The following CACNA2D1 variants were observed in gnomAD, a reference collection of about 807,000 sequenced individuals.
CACNA2D1 encodes the protein calcium voltage-gated channel auxiliary subunit alpha2delta 1, also known as voltage-dependent calcium channel subunit alpha-2/delta-1.
Under a neutral mutation model 171.5 loss-of-function variants are expected in CACNA2D1, and 53 were observed. The ratio of observed to expected loss-of-function variants is 0.31; its 90% CI spans 0.25 to 0.39. CACNA2D1 has a LOEUF of 0.39. Ranked by LOEUF, CACNA2D1 falls within the 10% of genes least tolerant of loss-of-function variation. The probability of loss-of-function intolerance (pLI) is 1.00; values close to 1 mark genes in which losing one functional copy is unlikely to be tolerated. For missense variants in CACNA2D1, 903 were observed against 1,299.8 expected (o/e 0.69, Z 4.69); for synonymous variants, 442 against 443.1 (o/e 1.00, Z 0.03).
intron 2 of CACNA2D1, among the ~76,000 whole-genome samples, chr7:82,335,866 T>C (rs532306817): frequency 2.0e-5 from 3 of 152,322 alleles, no homozygotes; most frequent in African/African-American, 7.2e-5. Flanking sequence ...AATTAAAGTA[T>C]ACTGAATTTA....
At chr7:82,285,779 T>C (rs1446446838) in intron 3 of CACNA2D1, among the ~76,000 whole-genome samples, 2 of 152,172 alleles carry the variant, frequency 1.3e-5, no homozygotes, top group Non-Finnish European at 2.9e-5. Context: ...CTGGAGGCCA[T>C]GGGACCCTCT....
chr7:82,297,096 A>T (rs867014428), intron 3 of CACNA2D1, among the ~76,000 whole-genome samples: 17 of 133,140 alleles, frequency 1.3e-4, no homozygotes, highest in African/African-American at 4.7e-4. Context: ...AAAAAAAAAA[A>T]ATTAGCCAGG....
intron 12 of CACNA2D1, among the ~76,000 whole-genome samples, chr7:82,021,657 G>A (rs1054305602): frequency 3.9e-5 from 6 of 151,916 alleles, no homozygotes; most frequent in Admixed American, 2.6e-4. Context: ...CAACTACTTC[G>A]TGGAGTTTAT....
At chr7:82,320,578 ATTTT>A (rs1187859762) in intron 3 of CACNA2D1, among the ~76,000 whole-genome samples, 4 of 128,740 alleles carry the variant, frequency 3.1e-5, no homozygotes, top group Admixed American at 8.0e-5. Flanking sequence ...CACTTGGCTA[ATTTT>A]TTTTTTTTTT....
At position 82,097,088 on chromosome 7, in the gene CACNA2D1, G is replaced by A. The variant is rs1035977312; in HGVS notation, c.527-12188C>T. Among the ~76,000 whole-genome samples the A allele has an allele frequency of 5.3e-5, 8 of 152,246 alleles. No homozygotes were observed. The South Asian group carries it at 1.5e-3, about 28-fold the overall frequency. On this transcript the variant is annotated intron_variant, in intron 6 of 38. Transcript: ENST00000356860. ...TAAGCAGTATTAAAGAAAGGGCAGA[G>A]AGGTAGTAGAAGGACCGCATGCCTG...
intron 3 of CACNA2D1, among the ~76,000 whole-genome samples, chr7:82,260,375 A>G (rs1276179890): frequency 6.6e-6 from 1 of 152,198 alleles, no homozygotes; most frequent in Non-Finnish European, 1.5e-5. Flanking sequence ...TTTTTCCATA[A>G]GAGGTGAAAA....
chr7:82,148,213 T>C (rs1793371196), intron 4 of CACNA2D1, among the ~76,000 whole-genome samples: 1 of 151,796 alleles, frequency 6.6e-6, no homozygotes, highest in African/African-American at 2.4e-5. Context: ...TATAAGGCAA[T>C]AGTCTTAAAA....
intron 23 of CACNA2D1, chr7:81,982,876 T>C (rs146036756): frequency 5.3e-6 from 3 of 569,408 alleles, no homozygotes; most frequent in East Asian, 3.1e-5. Context: ...GCTATGTCTA[T>C]AATTTTCTGA....
In CACNA2D1 at chr7:82,078,855, C is replaced by T. The variant is rs552016095; in HGVS notation, c.658+5914G>A. On this transcript the variant is annotated intron_variant, in intron 7 of 38. Transcript: ENST00000356860. ...CCTAGAACTCCTCATAGTCTACCTG[C>T]CTTCCAAGAAGGAGAGGAGAAAGAG... is the stretch of plus-strand genomic sequence containing the variant. 5.7e-4 allele frequency among the ~76,000 whole-genome samples: 87 copies of T among 151,846 alleles called. 1 individual carries two copies. The highest frequency in any genetic ancestry group is 2.1e-3 in the African/African-American group (86 of 41,352).
At chr7:82,050,927 GCA>G (rs1317083465) in intron 10 of CACNA2D1, 2 of 332,554 alleles carry the variant, frequency 6.0e-6, no homozygotes, top group East Asian at 7.0e-5. Flanking sequence ...TTCCAAAGCT[GCA>G]CAGTTATTCC....
At chr7:82,096,576 A>G (rs1404988647) in intron 6 of CACNA2D1, among the ~76,000 whole-genome samples, 3 of 151,208 alleles carry the variant, frequency 2.0e-5, no homozygotes, top group African/African-American at 7.3e-5. Flanking sequence ...AAGCATTTCA[A>G]TAAACCAGTA....
chr7:82,073,218 C>G (rs1456934447), intron 7 of CACNA2D1, among the ~76,000 whole-genome samples: 1 of 152,154 alleles, frequency 6.6e-6, no homozygotes, highest in Non-Finnish European at 1.5e-5. Flanking sequence ...AACAGTAACT[C>G]TATGTTCCTT....
intron 1 of CACNA2D1, among the ~76,000 whole-genome samples, chr7:82,407,545 T>C (rs1236276744): frequency 6.6e-6 from 1 of 152,184 alleles, no homozygotes; most frequent in African/African-American, 2.4e-5. Context: ...ATGATACCAA[T>C]TTATGCTATT....
At chr7:82,145,934 G>A (rs11982798) in intron 4 of CACNA2D1, among the ~76,000 whole-genome samples, 1 of 151,834 alleles carries the variant, frequency 6.6e-6, no homozygotes, top group Non-Finnish European at 1.5e-5. Flanking sequence ...TTGTAAGCTT[G>A]CTTCTGTTAC....
chr7:81,947,883 T>A lies in CACNA2D1; in HGVS notation c.*2509A>T, dbSNP rs967783446. 6.6e-6 allele frequency: 1 copy of A among 151,892 alleles called. No homozygotes were observed. Among genetic ancestry groups the A allele is most frequent in the African/African-American group, 2.4e-5 (1 of 41,430 alleles). 9.4% of individuals were successfully genotyped at this position (151,892 alleles called of 1,614,324 possible). On this transcript the variant is annotated 3_prime_UTR_variant, in exon 39 of 39. Transcript: ENST00000356860. ...TGTTCTTACCCAATTTGTAATTGCA[T>A]TTATGGTTGTCATAATATATAACTT...
At chr7:82,053,366 AT>A (rs1805441520) in intron 10 of CACNA2D1, among the ~76,000 whole-genome samples, 1 of 152,000 alleles carries the variant, frequency 6.6e-6, no homozygotes, top group African/African-American at 2.4e-5. Context: ...ATTTGTACTG[AT>A]TTTCTGAGGA....
At chr7:82,082,741 C>T (rs77260503) in intron 7 of CACNA2D1, among the ~76,000 whole-genome samples, 1,659 of 151,322 alleles carry the variant, frequency 0.011, 21 homozygotes, top group African/African-American at 0.032. Flanking sequence ...TGTCTCCTGC[C>T]TCTATCAAGA....
At chr7:82,060,247 A>ATATATAT in intron 10 of CACNA2D1, among the ~76,000 whole-genome samples, 181 bp downstream of exon 10, 1 of 77,396 alleles carries the variant, frequency 1.3e-5, no homozygotes, top group Non-Finnish European at 2.6e-5. Flanking sequence ...TATGTATAAA[A>ATATATAT]AACCTTAAAA....
At chr7:82,135,077 A>G (rs1791447431) in intron 5 of CACNA2D1, among the ~76,000 whole-genome samples, 1 of 152,122 alleles carries the variant, frequency 6.6e-6, no homozygotes, top group African/African-American at 2.4e-5. Context: ...AACTTCTTTA[A>G]TTAGTTTAGA....
Sources: allele counts gnomAD v4.1 joint callset (sites outside exome capture counted in the v4.1 genomes callset), GRCh38; gene constraint gnomAD v4.1.1; transcripts MANE v1.5; gene names NCBI Gene and HGNC (gene_info 2026-07-23, HGNC 2026-07-21).